POU6F2: variants seen among roughly 807,000 people sequenced by gnomAD.
POU6F2 encodes the protein POU domain, class 6, transcription factor 2.
A neutral mutation model predicts 71.3 loss-of-function variants in POU6F2; 31 were observed. The ratio of observed to expected loss-of-function variants is 0.43; its 90% CI spans 0.33 to 0.59. The LOEUF (loss-of-function observed/expected upper bound fraction) is 0.59, where lower values mean the gene tolerates loss of function less well. Ranked by LOEUF, POU6F2 falls within the 20% of genes least tolerant of loss-of-function variation. POU6F2 has a pLI of 0.04. For synonymous variants in POU6F2, 347 were observed against 355.7 expected, an observed-to-expected ratio of 0.98 and a Z score of 0.27; for missense variants, 783 against 856.8, an observed-to-expected ratio of 0.91 and a Z score of 1.07.
At chr7:39,024,670 T>A (rs1407581378) in intron 1 of POU6F2, among the ~76,000 whole-genome samples, 5 of 152,168 alleles carry the variant, frequency 3.3e-5, no homozygotes, top group African/African-American at 9.6e-5. Context: ...ATTATTTTGA[T>A]ATACATCCCA....
intron 4 of POU6F2, among the ~76,000 whole-genome samples, chr7:39,258,977 C>A (rs1263958991): frequency 6.6e-6 from 1 of 152,092 alleles, no homozygotes; most frequent in Non-Finnish European, 1.5e-5. Flanking sequence ...TAATTTTTTT[C>A]TTATTATGCC....
At chr7:39,268,458 G>C (rs1009008277) in intron 4 of POU6F2, among the ~76,000 whole-genome samples, 2 of 152,092 alleles carry the variant, frequency 1.3e-5, no homozygotes, top group Admixed American at 1.3e-4. Context: ...ATGACTTTCA[G>C]TGGCTTTTTT....
chr7:39,066,844 T>G (rs1050690737), intron 1 of POU6F2, among the ~76,000 whole-genome samples: 1 of 148,656 alleles, frequency 6.7e-6, no homozygotes, highest in African/African-American at 2.4e-5. Flanking sequence ...TGCCCTATTA[T>G]ATAGGTTATA....
At chr7:39,024,285 C>T (rs1222088679) in intron 1 of POU6F2, among the ~76,000 whole-genome samples, 1 of 151,828 alleles carries the variant, frequency 6.6e-6, no homozygotes. Flanking sequence ...TGGGAGTTCA[C>T]TCATGATTTG....
chr7:39,198,944 G>T (rs112279657), intron 2 of POU6F2, among the ~76,000 whole-genome samples: 1 of 152,208 alleles, frequency 6.6e-6, no homozygotes, highest in Non-Finnish European at 1.5e-5. Flanking sequence ...CCAACTGTCC[G>T]TCTTAGAATA....
intron 5 of POU6F2, among the ~76,000 whole-genome samples, chr7:39,377,638 C>T (rs1786736670): frequency 6.6e-6 from 1 of 152,114 alleles, no homozygotes; most frequent in African/African-American, 2.4e-5. Context: ...CCCTGCTCCC[C>T]CCTCGCTGTG....
intron 4 of POU6F2, among the ~76,000 whole-genome samples, chr7:39,271,630 C>A (rs916769133): frequency 7.2e-5 from 11 of 152,228 alleles, no homozygotes; most frequent in Admixed American, 3.3e-4. Flanking sequence ...AGCAGATTAT[C>A]CCAGCAGCGT....
intron 2 of POU6F2, among the ~76,000 whole-genome samples, chr7:39,127,254 A>G (rs1024408533): frequency 6.6e-6 from 1 of 152,180 alleles, no homozygotes. Flanking sequence ...TGTGGCTGCG[A>G]TAATAACACA....
chr7:39,177,090 A>C (rs1232251459), intron 2 of POU6F2, among the ~76,000 whole-genome samples: 1 of 152,148 alleles, frequency 6.6e-6, no homozygotes, highest in Non-Finnish European at 1.5e-5. Context: ...GCATTTTCTT[A>C]TAAAATAGTT....
intron 4 of POU6F2, among the ~76,000 whole-genome samples, chr7:39,226,664 C>A (rs781170644): frequency 6.6e-6 from 1 of 152,142 alleles, no homozygotes; most frequent in African/African-American, 2.4e-5. Flanking sequence ...AACATGTTAG[C>A]AGTATGGTAA....
intron 6 of POU6F2, among the ~76,000 whole-genome samples, chr7:39,429,313 C>T (rs1215721814): frequency 6.6e-6 from 1 of 152,252 alleles, no homozygotes; most frequent in East Asian, 1.9e-4. Flanking sequence ...GCTTGGCCCC[C>T]ATTTCTTCTG....
intron 6 of POU6F2, among the ~76,000 whole-genome samples, chr7:39,427,566 A>T (rs1787999866): frequency 6.6e-6 from 1 of 152,232 alleles, no homozygotes; most frequent in African/African-American, 2.4e-5. Flanking sequence ...CTTGTCTGTG[A>T]GTGTGTTTCT....
chr7:39,450,270 G>A (rs1285885169), intron 7 of POU6F2, among the ~76,000 whole-genome samples: 1 of 152,120 alleles, frequency 6.6e-6, no homozygotes, highest in Non-Finnish European at 1.5e-5. Context: ...CCAAAGTTGA[G>A]GTCCTGACCT....
At chr7:39,091,463 T>A (rs1393113668) in intron 2 of POU6F2, among the ~76,000 whole-genome samples, 2 of 152,216 alleles carry the variant, frequency 1.3e-5, no homozygotes. Context: ...TTTTGATTAC[T>A]GTAATTCTTA....
intron 2 of POU6F2, among the ~76,000 whole-genome samples, chr7:39,159,948 T>A (rs1222314807): frequency 6.6e-6 from 1 of 152,168 alleles, no homozygotes; most frequent in Admixed American, 6.5e-5. Flanking sequence ...AATCTTTGGA[T>A]GGCATGGGCA....
intron 4 of POU6F2, among the ~76,000 whole-genome samples, chr7:39,285,470 G>A (rs538569592): frequency 6.6e-6 from 1 of 152,300 alleles, no homozygotes; most frequent in South Asian, 2.1e-4. Flanking sequence ...ATAGCCAGTA[G>A]CAATGGTTCA....
At chr7:39,146,104 C>T (rs1226109743) in intron 2 of POU6F2, among the ~76,000 whole-genome samples, 1 of 152,232 alleles carries the variant, frequency 6.6e-6, no homozygotes, top group Non-Finnish European at 1.5e-5. Flanking sequence ...CAAATAACCA[C>T]ATGTGCTAAA....
At chr7:39,429,118 T>TAAA (rs60711102) in intron 6 of POU6F2, among the ~76,000 whole-genome samples, 3 of 148,816 alleles carry the variant, frequency 2.0e-5, no homozygotes, top group Non-Finnish European at 3.0e-5. Context: ...ATAATAATAA[T>TAAA]AAAAAAAAAA....
intron 2 of POU6F2, among the ~76,000 whole-genome samples, chr7:39,161,353 G>A (rs919242202): frequency 2.6e-5 from 4 of 152,256 alleles, no homozygotes; most frequent in Middle Eastern, 3.4e-3. Flanking sequence ...AGTCACTTCC[G>A]TCTGCCTGAA....
Sources: allele counts gnomAD v4.1 joint callset (sites outside exome capture counted in the v4.1 genomes callset), GRCh38; gene constraint gnomAD v4.1.1; transcripts MANE v1.5; gene names NCBI Gene and HGNC (gene_info 2026-07-23, HGNC 2026-07-21).